PNLDC1: variants seen among roughly 807,000 people sequenced by gnomAD.
PNLDC1 encodes PARN like ribonuclease domain containing exonuclease 1, also known as poly(A)-specific ribonuclease PNLDC1.
PNLDC1 carries 70 observed loss-of-function variants against 82.0 expected under a neutral mutation model. The ratio of observed to expected loss-of-function variants is 0.85; its 90% CI spans 0.70 to 1.04. PNLDC1 has a LOEUF of 1.04. Among genes scored for constraint, PNLDC1 ranks in the 50% least tolerant of loss-of-function variants. PNLDC1 has a pLI of 0.00. For synonymous variants in PNLDC1, 280 were observed against 249.3 expected, an observed-to-expected ratio of 1.12 and a Z score of -1.16; for missense variants, 631 against 661.1, an observed-to-expected ratio of 0.95 and a Z score of 0.50.
intron 12 of PNLDC1, among the ~76,000 whole-genome samples, chr6:159,814,317 T>A (rs1354243033): frequency 6.6e-6 from 1 of 152,084 alleles, no homozygotes; most frequent in African/African-American, 2.4e-5. Context: ...ACCCATTCCT[T>A]GTGATTCGTG....
chr6:159,815,835 G>T (rs1781794571), intron 12 of PNLDC1, 134 bp from the exon 13 acceptor site: 1 of 655,588 alleles, frequency 1.5e-6, no homozygotes, highest in Admixed American at 2.5e-5. Context: ...ACCTGTCCAT[G>T]CTTAGATTTG....
At chr6:159,809,301 A>G in intron 9 of PNLDC1, 143 bp downstream of exon 9, 1 of 1,123,580 alleles carries the variant, frequency 8.9e-7, no homozygotes, top group Non-Finnish European at 1.2e-6. Context: ...TTTTACTTTC[A>G]GATAGGGTCT....
At position 159,800,763 on chromosome 6, in the gene PNLDC1, T is replaced by A; in HGVS notation, c.77-9T>A. The stretch of plus-strand genomic sequence containing the variant: ...ACCCGAGGACTGCTATTTTTTGCCT[T>A]CCTGGCAGGTCTGGACATAGAGTTC... On this transcript the variant is annotated splice_polypyrimidine_tract_variant and intron_variant, in intron 1 of 18. Coordinates refer to ENST00000392167, the MANE Select transcript of PNLDC1 (RefSeq NM_001271862.2). 6.2e-7 allele frequency: 1 copy of A among 1,614,174 alleles called. No individual in the cohort carries two copies. Among genetic ancestry groups the A allele is most frequent in the East Asian group, 2.2e-5 (1 of 44,880 alleles).
At chr6:159,810,562 C>T (rs938958398) in intron 10 of PNLDC1, among the ~76,000 whole-genome samples, 20 of 152,060 alleles carry the variant, frequency 1.3e-4, no homozygotes, top group African/African-American at 4.3e-4. Context: ...TCTGGCTGTC[C>T]CCTACTGTTT....
rs1187997981 is a variant in PNLDC1 at position 159,809,171 on chromosome 6, G to A, written c.783+13G>A. 1 of 1,613,102 alleles carries A rather than the reference G, an allele frequency of 6.2e-7. No homozygotes were observed. The highest frequency in any genetic ancestry group is 1.7e-5 in the Admixed American group (1 of 59,596). On this transcript the variant is annotated intron_variant, in intron 9 of 18. Transcript: ENST00000392167. ...GAAAGCCCAGAAGGTAGGAAAACAT[G>A]TCTCTTTTCTTGGCCTAAAGGCAGT...
intron 5 of PNLDC1, 52 bp downstream of exon 5, chr6:159,804,140 G>A (rs1781362306): frequency 6.3e-7 from 1 of 1,594,652 alleles, no homozygotes; most frequent in Non-Finnish European, 8.6e-7. Context: ...TTTCTGAGAT[G>A]GAGTCTCGCT....
chr6:159,818,851 A>G (rs766609381), intron 16 of PNLDC1, 95 bp from the exon 17 acceptor site: 158 of 1,427,384 alleles, frequency 1.1e-4, no homozygotes, highest in Non-Finnish European at 1.3e-4. Flanking sequence ...CCCTGCCCCA[A>G]GCAGAGCCTT....
Position 159,800,752 on chromosome 6 carries a change from AT to A in PNLDC1, c.77-14del. 1.2e-6 allele frequency: 2 copies of A among 1,614,038 alleles called. No homozygotes were observed. The highest frequency in any genetic ancestry group is 1.7e-6 in the Non-Finnish European group (2 of 1,180,010). ...CGATGTTCTGCACCCGAGGACTGCTATTTTTTGCCTTCCTGGCAGGTCTGGA... is the reference window on the plus strand; with the variant it reads ...CGATGTTCTGCACCCGAGGACTGCTATTTTTGCCTTCCTGGCAGGTCTGGA... On this transcript the variant is annotated intron_variant, in intron 1 of 18. Coordinates refer to ENST00000392167, the MANE Select transcript of PNLDC1 (RefSeq NM_001271862.2).
chr6:159,811,858 G>T (rs1487931879), intron 11 of PNLDC1, 72 bp downstream of exon 11: 11 of 1,174,064 alleles, frequency 9.4e-6, no homozygotes, highest in Non-Finnish European at 1.2e-5. Flanking sequence ...TCTCTTGTGG[G>T]GTTTTTTTCT....
upstream of PNLDC1, among the ~76,000 whole-genome samples, chr6:159,799,501 A>AT (rs1382084618): frequency 1.3e-5 from 2 of 152,186 alleles, no homozygotes; most frequent in African/African-American, 4.8e-5. Flanking sequence ...AACCTTAAAG[A>AT]TTGATTTGAG....
In PNLDC1 at chr6:159,814,723, C is replaced by G. The variant is rs573710569; in HGVS notation, c.995+1067C>G. Among the ~76,000 whole-genome samples the G allele has an allele frequency of 5.3e-5, 8 of 152,326 alleles. No individual in the cohort carries two copies. In the South Asian group the frequency reaches 1.7e-3, roughly 32 times the overall value. On this transcript the variant is annotated intron_variant, in intron 12 of 18. Coordinates refer to ENST00000392167, the MANE Select transcript of PNLDC1 (RefSeq NM_001271862.2). The stretch of plus-strand genomic sequence containing the variant: ...GGGTTTAAATCCCAGCTTTGCCACT[C>G]ACTGGTTCTGTGAGTGACCTTGAGA...
intron 6 of PNLDC1, among the ~76,000 whole-genome samples, chr6:159,805,197 G>C (rs75117471): frequency 2.0e-5 from 3 of 152,140 alleles, no homozygotes; most frequent in Non-Finnish European, 2.9e-5. Flanking sequence ...CCAAAACCTC[G>C]TATTCCTGTA....
chr6:159,808,136 A>G (rs980901216), intron 7 of PNLDC1, among the ~76,000 whole-genome samples: 6 of 151,648 alleles, frequency 4.0e-5, no homozygotes, highest in African/African-American at 1.5e-4. Flanking sequence ...TTGGTCTCGA[A>G]CTCCTGACCT....
chr6:159,807,642 T>A (rs1781496082), intron 7 of PNLDC1, among the ~76,000 whole-genome samples: 1 of 152,346 alleles, frequency 6.6e-6, no homozygotes, highest in African/African-American at 2.4e-5. Context: ...ACCAGCATTT[T>A]CCAGATTACT....
chr6:159,800,867 G>A, intron 2 of PNLDC1, 38 bp downstream of exon 2: 1 of 1,613,844 alleles, frequency 6.2e-7, no homozygotes, highest in Non-Finnish European at 8.5e-7. Flanking sequence ...ATAAGAGCCT[G>A]GCCAGACCAG....
Position 159,820,475 on chromosome 6 carries a change from C to T in PNLDC1, c.1554C>T (p.Ala518=). Residue 518 remains alanine (A), a synonymous_variant, in exon 19 of 19, where the codon GCC becomes GCT. Transcript: ENST00000392167. ...GCAGAGTCTGTGGCATAGTGACTGC[C>T]TGGGCCCTTCTCGCGTTCATCCTTG... ...CLLQVCGIVT[A]WALLAFILGR... The T allele has an allele frequency of 6.2e-7, 1 of 1,614,178 alleles. No individual in the cohort carries two copies. Among genetic ancestry groups the T allele is most frequent in the Non-Finnish European group, 8.5e-7 (1 of 1,180,034 alleles).
At chr6:159,811,575 C>T (rs1781646575) in intron 10 of PNLDC1, 126 bp from the exon 11 acceptor site, 2 of 698,486 alleles carry the variant, frequency 2.9e-6, no homozygotes, top group Admixed American at 4.8e-5. Flanking sequence ...ATGGTGTTTT[C>T]AATTCCTGTT....
Position 159,809,594 on chromosome 6 carries a change from T to C in PNLDC1, c.784-432T>C, listed in dbSNP as rs1212594752. Among the ~76,000 whole-genome samples the C allele has an allele frequency of 3.9e-5, 6 of 151,978 alleles. No individual in the cohort carries two copies. The East Asian group carries it at 1.2e-3, about 29-fold the overall frequency. ...TAGGCATGAGCCACTGCACCTGGCCTTCCTTCTCATTTATAACTAGCTTCC... is the reference window on the plus strand; with the variant it reads ...TAGGCATGAGCCACTGCACCTGGCCCTCCTTCTCATTTATAACTAGCTTCC... On this transcript the variant is annotated intron_variant, in intron 9 of 18. Transcript: ENST00000392167.
At position 159,810,088 on chromosome 6, in the gene PNLDC1, C is replaced by G. The variant is rs1224456132; in HGVS notation, c.846C>G (p.Pro282=). Residue 282 remains proline, a synonymous_variant, in exon 10 of 19, where the codon CCC becomes CCG. Coordinates refer to ENST00000392167, the MANE Select transcript of PNLDC1 (RefSeq NM_001271862.2). ...LLHLHEKFFR[P]LPESYDQFKQ... Reference sequence around the variant, plus strand: ...ACCTCCATGAGAAGTTCTTCAGACCCCTCCCAGGTAGGGGCAAACCTGTCA... The same window carrying G: ...ACCTCCATGAGAAGTTCTTCAGACCGCTCCCAGGTAGGGGCAAACCTGTCA... The G allele has an allele frequency of 1.9e-6, 3 of 1,613,696 alleles. No homozygotes were observed. Among genetic ancestry groups the G allele is most frequent in the Non-Finnish European group, 2.5e-6 (3 of 1,179,692 alleles).
Sources: allele counts gnomAD v4.1 joint callset (sites outside exome capture counted in the v4.1 genomes callset), GRCh38; gene constraint gnomAD v4.1.1; transcripts MANE v1.5; gene names NCBI Gene and HGNC (gene_info 2026-07-23, HGNC 2026-07-21).